Variants in STAM2 observed in about 807,000 individuals in gnomAD.
STAM2 encodes the protein signal transducing adaptor molecule 2.
STAM2 carries 51 observed loss-of-function variants against 65.6 expected under a neutral mutation model. The ratio of observed to expected loss-of-function variants is 0.78; its 90% CI spans 0.62 to 0.98. The LOEUF is 0.98. Ranked by LOEUF, STAM2 falls within the 50% of genes least tolerant of loss-of-function variation. The pLI, the probability that STAM2 is intolerant of heterozygous loss-of-function variation, is 0.00. For synonymous variants in STAM2, 198 were observed against 208.4 expected, an observed-to-expected ratio of 0.95 and a Z score of 0.43; for missense variants, 584 against 617.8, an observed-to-expected ratio of 0.95 and a Z score of 0.58.
chr2:152,139,608 T>C (rs1304076760), intron 7 of STAM2, among the ~76,000 whole-genome samples: 1 of 152,198 alleles, frequency 6.6e-6, no homozygotes, highest in African/African-American at 2.4e-5. Context: ...TTACAATCTC[T>C]CCTACAGAAC....
At chr2:152,152,772 T>C (rs1441692833) in intron 1 of STAM2, among the ~76,000 whole-genome samples, 2 of 152,174 alleles carry the variant, frequency 1.3e-5, no homozygotes, top group Non-Finnish European at 2.9e-5. Flanking sequence ...ACCAGCAATA[T>C]GTGAATGTTT....
intron 1 of STAM2, among the ~76,000 whole-genome samples, chr2:152,172,663 G>GT (rs1346775734): frequency 6.6e-6 from 1 of 152,000 alleles, no homozygotes; most frequent in East Asian, 1.9e-4. Flanking sequence ...GAGGGCAGGA[G>GT]TTCAAGACCA....
intron 4 of STAM2, 83 bp from the exon 5 acceptor site, chr2:152,147,391 T>C (rs1689354839): frequency 7.7e-7 from 1 of 1,293,388 alleles, no homozygotes; most frequent in East Asian, 2.6e-5. Context: ...AGAATTACCA[T>C]CAAAATTCTC....
intron 13 of STAM2, among the ~76,000 whole-genome samples, chr2:152,123,039 C>CT (rs1440484144): frequency 6.6e-6 from 1 of 151,654 alleles, no homozygotes; most frequent in African/African-American, 2.4e-5. Context: ...CCACTGCACT[C>CT]TATCCTGGGC....
At chr2:152,170,458 G>A (rs1689877850) in intron 1 of STAM2, among the ~76,000 whole-genome samples, 1 of 149,200 alleles carries the variant, frequency 6.7e-6, no homozygotes, top group African/African-American at 2.5e-5. Context: ...ACTCCAGCCT[G>A]GGTGACAGGG....
chr2:152,158,119 C>T (rs1423630303), intron 1 of STAM2, among the ~76,000 whole-genome samples: 1 of 152,078 alleles, frequency 6.6e-6, no homozygotes, highest in Admixed American at 6.6e-5. Flanking sequence ...GAATGCTCAG[C>T]AGAGAAATGA....
chr2:152,151,177 TC>T (rs371323118), intron 1 of STAM2, among the ~76,000 whole-genome samples: 3 of 150,864 alleles, frequency 2.0e-5, no homozygotes, highest in African/African-American at 7.3e-5. Context: ...TTACATGAGT[TC>T]TTTTTTTTTT....
At chr2:152,174,837 AGTTT>A (rs1300250251) in intron 1 of STAM2, among the ~76,000 whole-genome samples, 5 of 152,220 alleles carry the variant, frequency 3.3e-5, no homozygotes, top group African/African-American at 1.2e-4. Context: ...TATATTTCTC[AGTTT>A]GTTTTAGTGT....
chr2:152,132,529 T>C (rs543131777), intron 10 of STAM2, among the ~76,000 whole-genome samples: 12 of 152,128 alleles, frequency 7.9e-5, no homozygotes, highest in Non-Finnish European at 1.2e-4. Context: ...CCATCAGATA[T>C]GAAGATTTTT....
chr2:152,151,118 G>A (rs1237415545), intron 1 of STAM2, among the ~76,000 whole-genome samples: 1 of 150,786 alleles, frequency 6.6e-6, no homozygotes, highest in African/African-American at 2.4e-5. Flanking sequence ...ATTTGCTTGG[G>A]CTTATAACGC....
At chr2:152,141,216 T>C (rs1689240849) in intron 7 of STAM2, among the ~76,000 whole-genome samples, 1 of 150,870 alleles carries the variant, frequency 6.6e-6, no homozygotes, top group Non-Finnish European at 1.5e-5. Flanking sequence ...TAAAACGCTT[T>C]TCTTGATATA....
At chr2:152,127,650 A>G (rs1229727893) in intron 11 of STAM2, among the ~76,000 whole-genome samples, 1 of 152,096 alleles carries the variant, frequency 6.6e-6, no homozygotes, top group Non-Finnish European at 1.5e-5. Flanking sequence ...AAGTAAAAAC[A>G]ATGTGTAAGT....
rs1199006260 is a variant in STAM2 at position 152,169,461 on chromosome 2, G to A, written c.40+6142C>T. Among the ~76,000 whole-genome samples the A allele has an allele frequency of 2.0e-5, 3 of 152,042 alleles. No individual in the cohort carries two copies. In the East Asian group the frequency reaches 5.8e-4, roughly 29 times the overall value. On this transcript the variant is annotated intron_variant, in intron 1 of 13. Coordinates refer to ENST00000263904, the MANE Select transcript of STAM2 (RefSeq NM_005843.6). Reference sequence around the variant, plus strand: ...TCAGCTAATTTTTGTATTTTTTGTAGAGATGGGGTTTCATCATGTTGCCCT... The same window carrying A: ...TCAGCTAATTTTTGTATTTTTTGTAAAGATGGGGTTTCATCATGTTGCCCT...
intron 5 of STAM2, among the ~76,000 whole-genome samples, chr2:152,146,334 T>C (rs1211190527): frequency 2.0e-5 from 3 of 150,066 alleles, no homozygotes; most frequent in African/African-American, 4.9e-5. Context: ...AAAGAAAATA[T>C]AGTACTTCTC....
chr2:152,143,111 A>G (rs28581765), intron 7 of STAM2, among the ~76,000 whole-genome samples: 7,697 of 152,262 alleles, frequency 0.051, 559 homozygotes, highest in African/African-American at 0.16. Context: ...TTGTTATTAA[A>G]TAGTTGATTA....
rs570186731 is a variant in STAM2, at chr2:152,147,106, C to T, written c.447+56G>A. 48 of 1,491,264 alleles carry T rather than the reference C, an allele frequency of 3.2e-5. No individual in the cohort carries two copies. In the South Asian group the frequency reaches 6.5e-4, roughly 20 times the overall value. The allele number at this position is 1,491,264 out of a possible 1,614,324, so 92.4% of individuals were successfully genotyped here. A position where few individuals can be genotyped will look rare whatever the true frequency, so the allele number is the denominator to read the frequency against. On this transcript the variant is annotated intron_variant, in intron 5 of 13. Transcript: ENST00000263904. ...CATACCTTGCCTAGTCTTTACATAA[C>T]ATACATACCTTCAAAATATTATAGG...
intron 5 of STAM2, among the ~76,000 whole-genome samples, chr2:152,145,497 AAC>A (rs1242776095): frequency 6.6e-6 from 1 of 152,254 alleles, no homozygotes; most frequent in East Asian, 1.9e-4. Context: ...GCATAAATGT[AAC>A]ACAGAACTTG....
chr2:152,148,859 CAA>C (rs1399077995), intron 2 of STAM2, among the ~76,000 whole-genome samples: 1 of 151,496 alleles, frequency 6.6e-6, no homozygotes, highest in Non-Finnish European at 1.5e-5. Context: ...TCTGTCAACA[CAA>C]GAGACGTATA....
chr2:152,171,566 T>C (rs1689899342), intron 1 of STAM2, among the ~76,000 whole-genome samples: 1 of 152,262 alleles, frequency 6.6e-6, no homozygotes, highest in Admixed American at 6.5e-5. Flanking sequence ...AAAATTTCAC[T>C]GGAGAAAAGG....
Sources: gnomAD v4.1 joint callset for allele counts (sites outside exome capture counted in the v4.1 genomes callset) on GRCh38, gnomAD v4.1.1 for gene constraint, MANE v1.5 for transcripts, NCBI Gene and HGNC (gene_info 2026-07-23, HGNC 2026-07-21) for gene names.